Variants in MAP3K4 observed in about 807,000 individuals in gnomAD.
The protein encoded by MAP3K4 is MAP three kinase 1.
A neutral mutation model predicts 185.6 loss-of-function variants in MAP3K4; 67 were observed. That is an observed-to-expected ratio of 0.36 (90% CI 0.30 to 0.44). The LOEUF is 0.44. MAP3K4 is among the 20% of genes least tolerant of loss of function. The pLI is 1.00. For synonymous variants in MAP3K4, 702 were observed against 710.4 expected, an observed-to-expected ratio of 0.99 and a Z score of 0.19; for missense variants, 1,551 against 1,995.1, an observed-to-expected ratio of 0.78 and a Z score of 4.24.
Position 161,067,189 on chromosome 6 carries a change from T to C in MAP3K4, c.1708-3419T>C. The C allele has an allele frequency of 2.8e-6, 1 of 360,246 alleles. No individual in the cohort carries two copies. Among genetic ancestry groups the C allele is most frequent in the Admixed American group, 2.9e-5 (1 of 34,988 alleles). 22.3% of individuals were successfully genotyped at this position (360,246 alleles called of 1,614,324 possible). A position where few individuals can be genotyped will look rare whatever the true frequency, so the allele number is the denominator to read the frequency against. Reference sequence around the variant, plus strand: ...GTGGTCAGGGCACAGCTTGGTTTTATACATTTTAGGGAGACATGAGACATC... The same window carrying C: ...GTGGTCAGGGCACAGCTTGGTTTTACACATTTTAGGGAGACATGAGACATC... On this transcript the variant is annotated intron_variant, in intron 3 of 26. Coordinates refer to ENST00000392142, the MANE Select transcript of MAP3K4 (RefSeq NM_005922.4). This position sits in a 1 kb window ranked among gnomAD's most constrained non-coding sequence, Gnocchi z 6.3.
rs181303287 is a variant in MAP3K4, at chr6:161,106,656, C to T, written c.3999C>T (p.His1333=). 24 of 1,611,906 alleles carry T rather than the reference C, an allele frequency of 1.5e-5. No homozygotes were observed. Among genetic ancestry groups the T allele is most frequent in the South Asian group, 1.4e-4 (13 of 90,810 alleles). ...CTAAGTCCTATGATAATGTTATGCA[C>T]GTTGGCTTGAGGAAGGTGACCTTCA... The part of the protein sequence containing the change: ...DTPKSYDNVM[H]VGLRKVTFKW... Residue 1333 remains histidine, a synonymous_variant, in exon 20 of 27, where the codon CAC becomes CAT. Coordinates refer to ENST00000392142, the MANE Select transcript of MAP3K4 (RefSeq NM_005922.4). The surrounding 1 kb of genome is among the most constrained non-coding windows in gnomAD (Gnocchi z 4.9).
intron 23 of MAP3K4, among the ~76,000 whole-genome samples, chr6:161,111,436 G>A (rs575964345): frequency 6.6e-6 from 1 of 152,344 alleles, no homozygotes. Context: ...ACTGCAGTGC[G>A]TGTGCAGCTC....
At chr6:161,032,599 A>G (rs1477073956) in intron 1 of MAP3K4, among the ~76,000 whole-genome samples, 1 of 152,160 alleles carries the variant, frequency 6.6e-6, no homozygotes, top group Non-Finnish European at 1.5e-5. Flanking sequence ...TTCATTCCAA[A>G]CAGTGTTATT....
chr6:161,073,356 A>G lies in MAP3K4; in HGVS notation c.1951-110A>G. The G allele has an allele frequency of 9.4e-7, 1 of 1,060,002 alleles. No homozygotes were observed. Among genetic ancestry groups the G allele is most frequent in the Non-Finnish European group, 1.3e-6 (1 of 763,574 alleles). 65.7% of individuals were successfully genotyped at this position (1,060,002 alleles called of 1,614,324 possible). ...ATCTAGAAACTATTGTAGGTTTTTT[A>G]GAGGCAAGGTTCCCTCTGAGTTTTT... is the stretch of plus-strand genomic sequence containing the variant. On this transcript the variant is annotated intron_variant, in intron 4 of 26. Coordinates refer to ENST00000392142, the MANE Select transcript of MAP3K4 (RefSeq NM_005922.4). This position sits in a 1 kb window ranked among gnomAD's most constrained non-coding sequence, Gnocchi z 4.2.
chr6:161,046,947 AATAT>A (rs1275063270), intron 2 of MAP3K4, among the ~76,000 whole-genome samples: 1 of 147,470 alleles, frequency 6.8e-6, no homozygotes, highest in Non-Finnish European at 1.5e-5. Flanking sequence ...TTATTATATT[AATAT>A]ATATAATAAA....
chr6:161,063,136 T>TTTGATTTGGGACGTAAAA lies in MAP3K4; in HGVS notation c.1708-7463_1708-7446dup. Among the ~76,000 whole-genome samples the TTTGATTTGGGACGTAAAA allele has an allele frequency of 6.6e-6, 1 of 152,098 alleles. No individual in the cohort carries two copies. Among genetic ancestry groups the TTTGATTTGGGACGTAAAA allele is most frequent in the African/African-American group, 2.4e-5 (1 of 41,442 alleles). On this transcript the variant is annotated intron_variant, in intron 3 of 26. Coordinates refer to ENST00000392142, the MANE Select transcript of MAP3K4 (RefSeq NM_005922.4). This position sits in a 1 kb window ranked among gnomAD's most constrained non-coding sequence, Gnocchi z 5.4. The stretch of plus-strand genomic sequence containing the variant: ...GCTCTTATGTGCCTTCTAGTTTGTT[T>TTTGATTTGGGACGTAAAA]TTGATTTGGGACGTAAAATTGATTT...
chr6:161,000,880 T>G (rs905984077), intron 1 of MAP3K4, among the ~76,000 whole-genome samples: 1 of 149,216 alleles, frequency 6.7e-6, no homozygotes, highest in Non-Finnish European at 1.5e-5. Context: ...TACATATATG[T>G]ATATTATACT....
At position 161,091,599 on chromosome 6, in the gene MAP3K4, A is replaced by C; in HGVS notation, c.3135+59A>C. The C allele has an allele frequency of 2.0e-6, 3 of 1,506,424 alleles. No homozygotes were observed. The highest frequency in any genetic ancestry group is 1.8e-4 in the Middle Eastern group (1 of 5,678). 93.3% of individuals were successfully genotyped at this position (1,506,424 alleles called of 1,614,324 possible). On this transcript the variant is annotated intron_variant, in intron 12 of 26. Coordinates refer to ENST00000392142, the MANE Select transcript of MAP3K4 (RefSeq NM_005922.4). The surrounding 1 kb of genome is among the most constrained non-coding windows in gnomAD (Gnocchi z 5.5). ...TTAGTAATTGCTTGATAACTTACAGAAAGTTTTTGGAACCTTTTACAGTAA... is the reference window on the plus strand; with the variant it reads ...TTAGTAATTGCTTGATAACTTACAGCAAGTTTTTGGAACCTTTTACAGTAA...
At chr6:161,019,834 TA>T (rs1234972121) in intron 1 of MAP3K4, among the ~76,000 whole-genome samples, 5 of 152,332 alleles carry the variant, frequency 3.3e-5, no homozygotes, top group African/African-American at 7.2e-5. Context: ...GTTAACCATT[TA>T]AAAAAAATTT....
chr6:161,030,554 C>T, intron 1 of MAP3K4, among the ~76,000 whole-genome samples: 1 of 151,990 alleles, frequency 6.6e-6, no homozygotes, highest in East Asian at 1.9e-4. Context: ...GCTGGGACCA[C>T]AGGTGCATGC....
chr6:161,111,850 C>T lies in MAP3K4; in HGVS notation c.4411C>T (p.Leu1471Phe). The T allele has an allele frequency of 6.2e-7, 1 of 1,613,190 alleles. No homozygotes were observed. The highest frequency in any genetic ancestry group is 8.5e-7 in the Non-Finnish European group (1 of 1,179,602). ...TTTCTTTTTAGGTGCCAATATCTTC[C>T]TTACCTCATCTGGATTAATCAAACT... Reference protein sequence around the residue: ...HRDIKGANIFLTSSGLIKLGD... With the variant: ...HRDIKGANIFFTSSGLIKLGD... Residue 1471 changes from leucine (L) to phenylalanine (F), a missense_variant, in exon 24 of 27, where the codon CTT (leucine) becomes TTT (phenylalanine). This residue lies in a region of MAP3K4 where 159 missense variants were observed against 300.5 expected (regional missense o/e 0.53). Coordinates refer to ENST00000392142, the MANE Select transcript of MAP3K4 (RefSeq NM_005922.4).
Position 161,091,562 on chromosome 6 carries a change from A to G in MAP3K4, c.3135+22A>G, listed in dbSNP as rs1215818907. ...TGAGGTAGGTTCAAAATAAGAGGAA[A>G]CACGGTACAATTTAGTAATTGCTTG... On this transcript the variant is annotated intron_variant, in intron 12 of 26. Transcript: ENST00000392142. This position sits in a 1 kb window ranked among gnomAD's most constrained non-coding sequence, Gnocchi z 5.5. 6.2e-7 allele frequency: 1 copy of G among 1,600,090 alleles called. No homozygotes were observed. The highest frequency in any genetic ancestry group is 8.5e-7 in the Non-Finnish European group (1 of 1,173,294).
intron 1 of MAP3K4, among the ~76,000 whole-genome samples, chr6:161,009,274 G>A (rs1300714783): frequency 6.6e-6 from 1 of 152,112 alleles, no homozygotes; most frequent in Non-Finnish European, 1.5e-5. Flanking sequence ...GTGAGTCACC[G>A]TGGCCGCCTG....
At chr6:161,104,734 G>C (rs1285433018) in intron 19 of MAP3K4, among the ~76,000 whole-genome samples, 1 of 146,576 alleles carries the variant, frequency 6.8e-6, no homozygotes, top group Non-Finnish European at 1.5e-5. Context: ...AAGGAATCTT[G>C]AGAAATTTTT....
Position 161,106,510 on chromosome 6 carries a change from G to T in MAP3K4, c.3857-4G>T, listed in dbSNP as rs1182606243. ...GACTAATGAGGTTTTGGTTCTCTCT[G>T]CAGATACTGCTTCTAAACTAGGACC... On this transcript the variant is annotated splice_region_variant and splice_polypyrimidine_tract_variant and intron_variant, in intron 19 of 26. Transcript: ENST00000392142. This position sits in a 1 kb window ranked among gnomAD's most constrained non-coding sequence, Gnocchi z 4.9. 8.1e-6 allele frequency: 13 copies of T among 1,602,326 alleles called. No individual in the cohort carries two copies. The highest frequency in any genetic ancestry group is 1.1e-5 in the Non-Finnish European group (13 of 1,174,952).
chr6:161,058,207 C>T (rs1176462039), intron 3 of MAP3K4, among the ~76,000 whole-genome samples: 1 of 152,188 alleles, frequency 6.6e-6, no homozygotes, highest in Non-Finnish European at 1.5e-5. Flanking sequence ...TTGTCCCACA[C>T]AGTGTTTTAA....
In MAP3K4 at chr6:161,063,102, T is replaced by A. The variant is rs1223298738; in HGVS notation, c.1708-7506T>A. 6.6e-6 allele frequency among the ~76,000 whole-genome samples: 1 copy of A among 152,104 alleles called. No individual in the cohort carries two copies. Among genetic ancestry groups the A allele is most frequent in the Non-Finnish European group, 1.5e-5 (1 of 68,004 alleles). ...ATTTCAGTGAAGGCATTATCTGTTC[T>A]GTTTATTTGCTCTTATGTGCCTTCT... On this transcript the variant is annotated intron_variant, in intron 3 of 26. Coordinates refer to ENST00000392142, the MANE Select transcript of MAP3K4 (RefSeq NM_005922.4). The surrounding 1 kb of genome is among the most constrained non-coding windows in gnomAD (Gnocchi z 5.4).
chr6:161,058,337 T>A (rs1784333229), intron 3 of MAP3K4, among the ~76,000 whole-genome samples: 1 of 152,208 alleles, frequency 6.6e-6, no homozygotes, highest in Non-Finnish European at 1.5e-5. Context: ...ACCAGCAGCA[T>A]AAGGGCTCCA....
Position 161,008,845 on chromosome 6 carries a change from T to A in MAP3K4, c.152+16762T>A, listed in dbSNP as rs1458585931. On this transcript the variant is annotated intron_variant, in intron 1 of 26. Transcript: ENST00000392142. This position sits in a 1 kb window ranked among gnomAD's most constrained non-coding sequence, Gnocchi z 4.1. ...GCTTGTGAGGTTCATCTATGTTGTTTTGGTTGATGGTGGTTCTTTCATTCT... is the reference window on the plus strand; with the variant it reads ...GCTTGTGAGGTTCATCTATGTTGTTATGGTTGATGGTGGTTCTTTCATTCT... Among the ~76,000 whole-genome samples, 1 of 152,184 alleles carries A rather than the reference T, an allele frequency of 6.6e-6. No individual in the cohort carries two copies. Among genetic ancestry groups the A allele is most frequent in the Non-Finnish European group, 1.5e-5 (1 of 68,026 alleles).
Sources: allele counts gnomAD v4.1 joint callset (sites outside exome capture counted in the v4.1 genomes callset), GRCh38; gene constraint gnomAD v4.1.1; regional missense constraint gnomAD v4.1.1; non-coding constraint Gnocchi (gnomAD v3.1); transcripts MANE v1.5; gene names NCBI Gene and HGNC (gene_info 2026-07-23, HGNC 2026-07-21).